Variants in CCDC146 observed in about 807,000 individuals in gnomAD.
The protein encoded by CCDC146 is coiled-coil domain-containing protein 146.
A neutral mutation model predicts 119.3 loss-of-function variants in CCDC146; 92 were observed. That is an observed-to-expected ratio of 0.77 (90% CI 0.65 to 0.92). CCDC146 has a LOEUF of 0.92. Ranked by LOEUF, CCDC146 falls within the 40% of genes least tolerant of loss-of-function variation. The probability of loss-of-function intolerance (pLI) is 0.00; values close to 1 mark genes in which losing one functional copy is unlikely to be tolerated. For synonymous variants in CCDC146, 372 were observed against 371.8 expected (o/e 1.00, Z -0.01); for missense variants, 1,000 against 1,103.0 (o/e 0.91, Z 1.32).
chr7:77,255,281 C>T (rs1170960967), intron 5 of CCDC146: 1 of 152,200 alleles, frequency 6.6e-6, no homozygotes, highest in African/African-American at 2.4e-5. Context: ...GGCCCTACCT[C>T]TTAATGGGAA....
intron 2 of CCDC146, among the ~76,000 whole-genome samples, chr7:77,176,978 G>A (rs934789453): frequency 3.3e-5 from 5 of 151,806 alleles, no homozygotes; most frequent in African/African-American, 9.7e-5. Flanking sequence ...TGGGACCACC[G>A]ACACATAACA....
chr7:77,272,076 C>T (rs1043782173), intron 9 of CCDC146, among the ~76,000 whole-genome samples: 8 of 152,166 alleles, frequency 5.3e-5, no homozygotes, highest in Non-Finnish European at 1.0e-4. Context: ...TCCAGGAGGT[C>T]TTAACTTGAC....
intron 2 of CCDC146, chr7:77,198,181 A>G (rs1791911685): frequency 2.0e-6 from 2 of 985,442 alleles, no homozygotes; most frequent in Non-Finnish European, 2.4e-6. Flanking sequence ...GGCTGCCAGG[A>G]GTATTACCAA....
At chr7:77,251,556 T>C (rs1793060644) in intron 4 of CCDC146, among the ~76,000 whole-genome samples, 1 of 152,164 alleles carries the variant, frequency 6.6e-6, no homozygotes. Flanking sequence ...AGACACGATG[T>C]ACTGGGTAAA....
chr7:77,226,115 G>A (rs187366471), intron 2 of CCDC146, among the ~76,000 whole-genome samples: 74 of 152,348 alleles, frequency 4.9e-4, no homozygotes, highest in African/African-American at 1.6e-3. Context: ...GCTAAAGCTT[G>A]AGATAACCTA....
chr7:77,279,713 T>G (rs1793727737), intron 13 of CCDC146, among the ~76,000 whole-genome samples: 1 of 152,212 alleles, frequency 6.6e-6, no homozygotes, highest in Non-Finnish European at 1.5e-5. Flanking sequence ...ATACCATATT[T>G]CATGCGACAT....
chr7:77,133,517 A>G (rs942732760), intron 1 of CCDC146, among the ~76,000 whole-genome samples: 3 of 151,970 alleles, frequency 2.0e-5, no homozygotes, highest in African/African-American at 7.3e-5. Flanking sequence ...ACACCTAGCT[A>G]ATATTTGTAT....
intron 8 of CCDC146, 118 bp downstream of exon 8, chr7:77,260,354 TC>T: frequency 1.4e-6 from 1 of 714,424 alleles, no homozygotes; most frequent in Non-Finnish European, 2.2e-6. Context: ...TAATTTTAAA[TC>T]AACTTTTACC....
intron 2 of CCDC146, chr7:77,198,296 T>C: frequency 1.0e-6 from 1 of 985,438 alleles, no homozygotes; most frequent in Non-Finnish European, 1.2e-6. Context: ...CTCCGCCCTG[T>C]CCTTTCAACC....
chr7:77,125,557 T>TGAAAATATA (rs1421298749), intron 1 of CCDC146, among the ~76,000 whole-genome samples: 1 of 151,852 alleles, frequency 6.6e-6, no homozygotes, highest in Non-Finnish European at 1.5e-5. Context: ...GCATATATTG[T>TGAAAATATA]TTCCTAAAAC....
intron 2 of CCDC146, among the ~76,000 whole-genome samples, chr7:77,178,092 T>C (rs1412446899): frequency 6.6e-6 from 1 of 152,234 alleles, no homozygotes; most frequent in Non-Finnish European, 1.5e-5. Context: ...AATTCCACTT[T>C]GCAAAGTAGA....
intron 2 of CCDC146, among the ~76,000 whole-genome samples, chr7:77,221,847 A>G (rs527545313): frequency 6.6e-6 from 1 of 152,342 alleles, no homozygotes; most frequent in South Asian, 2.1e-4. Context: ...TGAACAAAAG[A>G]GCCAAAGATA....
chr7:77,122,800 A>G (rs921712046), intron 1 of CCDC146, 68 bp downstream of exon 1: 2 of 154,192 alleles, frequency 1.3e-5, no homozygotes, highest in African/African-American at 4.8e-5. Context: ...GGATGTCAAG[A>G]TCCAAGCTTC....
At chr7:77,128,009 A>G (rs1003972473) in intron 1 of CCDC146, among the ~76,000 whole-genome samples, 8 of 152,040 alleles carry the variant, frequency 5.3e-5, no homozygotes. Flanking sequence ...TCTTTAAAAA[A>G]TCTATTTTCT....
chr7:77,263,561 G>T (rs1174814191), intron 9 of CCDC146, among the ~76,000 whole-genome samples: 1 of 152,196 alleles, frequency 6.6e-6, no homozygotes, highest in African/African-American at 2.4e-5. Context: ...ATCGGTTAGG[G>T]TTATGAGTGT....
intron 2 of CCDC146, among the ~76,000 whole-genome samples, chr7:77,228,082 G>T (rs531473239): frequency 6.6e-6 from 1 of 152,242 alleles, no homozygotes; most frequent in African/African-American, 2.4e-5. Flanking sequence ...TCCTTTTAGT[G>T]GGAAATAAGA....
chr7:77,154,429 T>C (rs1791150135), intron 1 of CCDC146, among the ~76,000 whole-genome samples: 1 of 151,818 alleles, frequency 6.6e-6, no homozygotes, highest in African/African-American at 2.4e-5. Context: ...TTACATTAGG[T>C]ATATCTCCTA....
chr7:77,204,317 A>G (rs1393791094), intron 2 of CCDC146, among the ~76,000 whole-genome samples: 1 of 152,196 alleles, frequency 6.6e-6, no homozygotes, highest in African/African-American at 2.4e-5. Flanking sequence ...TATAAATTTC[A>G]TGAAAAGAAC....
intron 1 of CCDC146, among the ~76,000 whole-genome samples, chr7:77,140,691 T>G (rs1354373920): frequency 6.6e-6 from 1 of 152,120 alleles, no homozygotes; most frequent in Non-Finnish European, 1.5e-5. Flanking sequence ...ACCCGTCCTC[T>G]GAAAAGTATA....
Sources: allele counts gnomAD v4.1 joint callset (sites outside exome capture counted in the v4.1 genomes callset), GRCh38; gene constraint gnomAD v4.1.1; transcripts MANE v1.5; gene names NCBI Gene and HGNC (gene_info 2026-07-23, HGNC 2026-07-21).